The following C8orf34 variants were observed in gnomAD, a reference collection of about 807,000 sequenced individuals.
C8orf34 encodes uncharacterized protein C8orf34.
Under a neutral mutation model 68.3 loss-of-function variants are expected in C8orf34, and 65 were observed. The observed-to-expected ratio is 0.95, with a 90% CI of 0.78 to 1.17. C8orf34 has a LOEUF of 1.17. C8orf34 is among the 50% of genes most tolerant of loss of function. The pLI is 0.00. For missense variants in C8orf34, 664 were observed against 655.4 expected, an observed-to-expected ratio of 1.01 and a Z score of -0.14; for synonymous variants, 244 against 241.2, an observed-to-expected ratio of 1.01 and a Z score of -0.11.
intron 1 of C8orf34, among the ~76,000 whole-genome samples, chr8:68,401,117 T>C (rs1185599713): frequency 8.2e-6 from 1 of 122,246 alleles, no homozygotes; most frequent in Non-Finnish European, 1.9e-5. Flanking sequence ...TATTCCTAGT[T>C]TTTTTTTTTT....
chr8:68,795,109 A>AT (rs1458924046), intron 12 of C8orf34, among the ~76,000 whole-genome samples: 1 of 151,816 alleles, frequency 6.6e-6, no homozygotes, highest in Non-Finnish European at 1.5e-5. Context: ...CTTCTAGTGG[A>AT]TTTTTATTTC....
At chr8:68,651,189 C>G (rs1181547917) in intron 8 of C8orf34, among the ~76,000 whole-genome samples, 1 of 152,168 alleles carries the variant, frequency 6.6e-6, no homozygotes, top group Non-Finnish European at 1.5e-5. Context: ...ATCCATCCAT[C>G]TATTCCATAA....
At chr8:68,629,875 A>G (rs1393831233) in intron 7 of C8orf34, among the ~76,000 whole-genome samples, 1 of 152,116 alleles carries the variant, frequency 6.6e-6, no homozygotes, top group Non-Finnish European at 1.5e-5. Context: ...ATGTGTGTAC[A>G]AAGTGAAGTA....
chr8:68,490,628 A>T (rs534733210), intron 5 of C8orf34, among the ~76,000 whole-genome samples: 13 of 151,878 alleles, frequency 8.6e-5, no homozygotes, highest in Admixed American at 5.2e-4. Flanking sequence ...TTTATTGCAC[A>T]TTTATTATTT....
intron 1 of C8orf34, among the ~76,000 whole-genome samples, chr8:68,349,903 C>CA (rs1045577920): frequency 6.6e-6 from 1 of 150,858 alleles, no homozygotes; most frequent in Non-Finnish European, 1.5e-5. Context: ...TAATTTTTTT[C>CA]AAAAAAATCA....
intron 10 of C8orf34, among the ~76,000 whole-genome samples, chr8:68,770,284 C>A (rs1823302558): frequency 6.6e-6 from 1 of 152,252 alleles, no homozygotes; most frequent in African/African-American, 2.4e-5. Flanking sequence ...CTCTAAGATA[C>A]CATGCCTAAT....
rs1271166910 is a variant in C8orf34 at position 68,617,217 on chromosome 8, A to C, written c.1106-23159A>C. Among the ~76,000 whole-genome samples the C allele has an allele frequency of 3.3e-5, 5 of 152,276 alleles. No homozygotes were observed. In the East Asian group the frequency reaches 9.6e-4, roughly 29 times the overall value. ...GAGAAGGGTTTCCTGAGTACAGCAC[A>C]CTGATGGGTCTTGACTCTATCCAAT... is the stretch of plus-strand genomic sequence containing the variant. On this transcript the variant is annotated intron_variant, in intron 7 of 13. Coordinates refer to ENST00000518698, the MANE Select transcript of C8orf34 (RefSeq NM_052958.4).
chr8:68,331,470 C>A (rs1478768742), intron 1 of C8orf34, 131 bp downstream of exon 1: 64 of 1,024,434 alleles, frequency 6.2e-5, no homozygotes, highest in Non-Finnish European at 9.4e-5. Context: ...GAGAGGGCGC[C>A]CTGGGATTCA....
intron 10 of C8orf34, among the ~76,000 whole-genome samples, chr8:68,754,265 C>T (rs1822789844): frequency 6.6e-6 from 1 of 152,032 alleles, no homozygotes; most frequent in African/African-American, 2.4e-5. Context: ...AAGTAAAATC[C>T]TGAAAAAGTG....
chr8:68,661,598 A>G (rs1209419432), intron 8 of C8orf34, among the ~76,000 whole-genome samples: 1 of 152,192 alleles, frequency 6.6e-6, no homozygotes, highest in Non-Finnish European at 1.5e-5. Flanking sequence ...GCTGAATACC[A>G]GGGCTTTTAT....
intron 3 of C8orf34, among the ~76,000 whole-genome samples, chr8:68,457,260 A>T (rs1487825984): frequency 6.6e-6 from 1 of 152,200 alleles, no homozygotes; most frequent in Non-Finnish European, 1.5e-5. Flanking sequence ...TATAAACTAC[A>T]TAAATATAAA....
At chr8:68,474,359 G>GT (rs1812511189) in intron 4 of C8orf34, among the ~76,000 whole-genome samples, 1 of 151,988 alleles carries the variant, frequency 6.6e-6, no homozygotes, top group Non-Finnish European at 1.5e-5. Flanking sequence ...CTTCCTTATT[G>GT]TTCATAACTG....
intron 7 of C8orf34, among the ~76,000 whole-genome samples, chr8:68,540,945 A>T (rs1815679530): frequency 6.6e-6 from 1 of 152,228 alleles, no homozygotes; most frequent in Non-Finnish European, 1.5e-5. Flanking sequence ...AAGAGAAAAT[A>T]GCATAATATT....
intron 1 of C8orf34, among the ~76,000 whole-genome samples, chr8:68,361,662 C>A (rs77545742): frequency 0.028 from 4,194 of 152,304 alleles, 75 homozygotes; most frequent in Middle Eastern, 0.058. Context: ...CACATTGTTA[C>A]TTAACTACTT....
intron 9 of C8orf34, among the ~76,000 whole-genome samples, chr8:68,710,749 C>T (rs182133221): frequency 1.4e-4 from 21 of 152,260 alleles, no homozygotes; most frequent in Middle Eastern, 3.4e-3. Flanking sequence ...ATGGCCCTGC[C>T]CACCACCTGA....
chr8:68,455,609 A>T (rs1811511819), intron 3 of C8orf34, among the ~76,000 whole-genome samples: 4 of 152,040 alleles, frequency 2.6e-5, no homozygotes. Context: ...TTATTCCTTT[A>T]TTATTCTTTC....
intron 10 of C8orf34, among the ~76,000 whole-genome samples, chr8:68,747,125 G>A (rs1235539558): frequency 6.6e-6 from 1 of 152,002 alleles, no homozygotes; most frequent in South Asian, 2.1e-4. Context: ...CAGAACCAAA[G>A]ACAAAAACCA....
intron 1 of C8orf34, among the ~76,000 whole-genome samples, chr8:68,386,510 A>G (rs1808267360): frequency 6.6e-6 from 1 of 152,204 alleles, no homozygotes; most frequent in Admixed American, 6.5e-5. Context: ...ATAGGTGGAA[A>G]CAACGTAATA....
intron 12 of C8orf34, among the ~76,000 whole-genome samples, chr8:68,803,304 C>A (rs1323724041): frequency 6.6e-6 from 1 of 151,928 alleles, no homozygotes; most frequent in Non-Finnish European, 1.5e-5. Context: ...GGTAATACAT[C>A]CCTACTACAT....
Sources: allele counts gnomAD v4.1 joint callset (sites outside exome capture counted in the v4.1 genomes callset), GRCh38; gene constraint gnomAD v4.1.1; transcripts MANE v1.5; gene names NCBI Gene and HGNC (gene_info 2026-07-23, HGNC 2026-07-21).